NKAIN2: variants seen among roughly 807,000 people sequenced by gnomAD.
The protein encoded by NKAIN2 is sodium/potassium-transporting ATPase subunit beta-1-interacting protein 2.
NKAIN2 carries 14 observed loss-of-function variants against 32.6 expected under a neutral mutation model. The ratio of observed to expected loss-of-function variants is 0.43; its 90% CI spans 0.28 to 0.67. The LOEUF (loss-of-function observed/expected upper bound fraction) is 0.67, where lower values mean the gene tolerates loss of function less well. Ranked by LOEUF, NKAIN2 falls within the 30% of genes least tolerant of loss-of-function variation. The pLI, the probability that NKAIN2 is intolerant of heterozygous loss-of-function variation, is 0.17. For missense variants in NKAIN2, 198 were observed against 258.3 expected, an observed-to-expected ratio of 0.77 and a Z score of 1.60; for synonymous variants, 80 against 87.2, an observed-to-expected ratio of 0.92 and a Z score of 0.46.
intron 4 of NKAIN2, among the ~76,000 whole-genome samples, chr6:124,771,944 A>G (rs1487268750): frequency 6.6e-6 from 1 of 152,180 alleles, no homozygotes; most frequent in Non-Finnish European, 1.5e-5. Flanking sequence ...TATGAATACT[A>G]TAAGTAGCTC....
chr6:124,382,575 A>G (rs2114379009), intron 3 of NKAIN2, among the ~76,000 whole-genome samples: 1 of 152,312 alleles, frequency 6.6e-6, no homozygotes, highest in South Asian at 2.1e-4. Flanking sequence ...GTCATAGCTA[A>G]TGGCAGACAA....
chr6:124,283,970 GC>G (rs556118814), intron 2 of NKAIN2, among the ~76,000 whole-genome samples: 3 of 152,180 alleles, frequency 2.0e-5, no homozygotes, highest in Non-Finnish European at 4.4e-5. Context: ...CAAACCAGCA[GC>G]CCTTCTCATG....
intron 1 of NKAIN2, among the ~76,000 whole-genome samples, chr6:123,819,648 A>G (rs546023802): frequency 6.6e-6 from 1 of 152,328 alleles, no homozygotes; most frequent in South Asian, 2.1e-4. Flanking sequence ...AAGCAACGCA[A>G]CGGAAAGCTG....
At chr6:124,713,715 A>G (rs1775612351) in intron 4 of NKAIN2, among the ~76,000 whole-genome samples, 1 of 152,194 alleles carries the variant, frequency 6.6e-6, no homozygotes, top group African/African-American at 2.4e-5. Context: ...AGTCTTTTAG[A>G]AGAGGAATAA....
At chr6:124,364,036 A>G (rs1407529) in intron 3 of NKAIN2, among the ~76,000 whole-genome samples, 68,754 of 151,606 alleles carry the variant, frequency 0.45, 15,693 homozygotes, top group South Asian at 0.54. Context: ...TTGAAAGAGA[A>G]ATAATTTAGC....
At chr6:123,978,528 A>G (rs1186596673) in intron 1 of NKAIN2, among the ~76,000 whole-genome samples, 1 of 152,226 alleles carries the variant, frequency 6.6e-6, no homozygotes, top group African/African-American at 2.4e-5. Context: ...GTGCTGATAC[A>G]TAGTGTGAAA....
intron 1 of NKAIN2, among the ~76,000 whole-genome samples, chr6:123,930,210 T>C (rs990648373): frequency 2.6e-5 from 4 of 152,172 alleles, no homozygotes; most frequent in Admixed American, 2.0e-4. Flanking sequence ...ATTGTTTTAC[T>C]GATAATTAAG....
chr6:123,824,738 A>AG (rs1307290945), intron 1 of NKAIN2, among the ~76,000 whole-genome samples: 1 of 151,880 alleles, frequency 6.6e-6, no homozygotes, highest in African/African-American at 2.4e-5. Context: ...ATTAAAAAAA[A>AG]AAAAGAAAAA....
At position 124,018,753 on chromosome 6, in the gene NKAIN2, A is replaced by G. The variant is rs1257456420; in HGVS notation, c.54+214499A>G. ...TTCAACAACTCTCTAGAAAGTTCCA[A>G]ACTTTCCCATATTATTTTGTCTTCT... On this transcript the variant is annotated intron_variant, in intron 1 of 6. Transcript: ENST00000368417. Among the ~76,000 whole-genome samples, 3 of 152,096 alleles carry G rather than the reference A, an allele frequency of 2.0e-5. No homozygotes were observed. In the East Asian group the frequency reaches 5.8e-4, roughly 29 times the overall value.
At chr6:124,351,544 G>A (rs1410942093) in intron 2 of NKAIN2, among the ~76,000 whole-genome samples, 1 of 150,668 alleles carries the variant, frequency 6.6e-6, no homozygotes, top group African/African-American at 2.4e-5. Flanking sequence ...AAGAAATCAT[G>A]TGGGAAGTAT....
At chr6:124,489,199 T>C (rs1045022896) in intron 3 of NKAIN2, among the ~76,000 whole-genome samples, 1 of 151,940 alleles carries the variant, frequency 6.6e-6, no homozygotes, top group African/African-American at 2.4e-5. Flanking sequence ...TTACAAACTC[T>C]AAACTGTATT....
intron 4 of NKAIN2, among the ~76,000 whole-genome samples, chr6:124,780,396 A>G (rs927156423): frequency 3.3e-5 from 5 of 152,214 alleles, no homozygotes; most frequent in African/African-American, 1.2e-4. Flanking sequence ...TGGTGTTTAG[A>G]AAATATTTCC....
At chr6:124,225,644 G>GAAAAATATGCATATAAATATAT (rs1295307503) in intron 1 of NKAIN2, among the ~76,000 whole-genome samples, 32 of 151,786 alleles carry the variant, frequency 2.1e-4, no homozygotes, top group African/African-American at 7.7e-4. Flanking sequence ...ATTAAATATG[G>GAAAAATATGCATATAAATATAT]AAAAATATGC....
intron 1 of NKAIN2, among the ~76,000 whole-genome samples, chr6:124,231,731 G>C (rs1177172481): frequency 6.6e-6 from 1 of 152,032 alleles, no homozygotes; most frequent in South Asian, 2.1e-4. Flanking sequence ...GGCCTCCCCA[G>C]CCATATGGAA....
At chr6:124,777,458 G>C (rs1458489258) in intron 4 of NKAIN2, among the ~76,000 whole-genome samples, 1 of 152,122 alleles carries the variant, frequency 6.6e-6, no homozygotes, top group Non-Finnish European at 1.5e-5. Context: ...TCTATAAAGA[G>C]AATATAATAA....
chr6:124,259,148 T>G (rs1186824923), intron 1 of NKAIN2, among the ~76,000 whole-genome samples: 1 of 152,212 alleles, frequency 6.6e-6, no homozygotes, highest in Non-Finnish European at 1.5e-5. Flanking sequence ...TGGCCTTTTG[T>G]TGATTCTGTA....
intron 1 of NKAIN2, among the ~76,000 whole-genome samples, chr6:123,972,407 C>T (rs146422984): frequency 6.6e-6 from 1 of 152,128 alleles, no homozygotes; most frequent in African/African-American, 2.4e-5. Flanking sequence ...GACAAATAGC[C>T]TAATGGAAGA....
chr6:123,993,219 A>C (rs1179187582), intron 1 of NKAIN2, among the ~76,000 whole-genome samples: 4 of 152,086 alleles, frequency 2.6e-5, no homozygotes, highest in Non-Finnish European at 4.4e-5. Flanking sequence ...TACATCATTT[A>C]TTGTCATTGT....
rs551362211 is a variant in NKAIN2, at chr6:123,992,423, A to AAAAC, written c.54+188186_54+188189dup. Reference sequence around the variant, plus strand: ...AGTTAAATACAATAGAGAATTTTGAAAAACAAACAAACAAACAAACGAAAC... The same window carrying AAAAC: ...AGTTAAATACAATAGAGAATTTTGAAAAACAAACAAACAAACAAACAAACGAAAC... On this transcript the variant is annotated intron_variant, in intron 1 of 6. Transcript: ENST00000368417. Among the ~76,000 whole-genome samples, 8 of 152,162 alleles carry AAAAC rather than the reference A, an allele frequency of 5.3e-5. No individual in the cohort carries two copies. The South Asian group carries it at 6.2e-4, about 12-fold the overall frequency.
Sources: gnomAD v4.1 joint callset for allele counts (sites outside exome capture counted in the v4.1 genomes callset) on GRCh38, gnomAD v4.1.1 for gene constraint, MANE v1.5 for transcripts, NCBI Gene and HGNC (gene_info 2026-07-23, HGNC 2026-07-21) for gene names.